The following CCDC57 variants were observed in gnomAD, a reference collection of about 807,000 sequenced individuals.
CCDC57 encodes the protein coiled-coil domain containing 57.
Under a neutral mutation model 118.9 loss-of-function variants are expected in CCDC57, and 118 were observed. The ratio of observed to expected loss-of-function variants is 0.99; its 90% CI spans 0.86 to 1.16. The LOEUF (loss-of-function observed/expected upper bound fraction) is 1.16. Ranked by LOEUF, CCDC57 falls within the 50% of genes most tolerant of loss-of-function variation. CCDC57 has a pLI of 0.00. For missense variants in CCDC57, 1,300 were observed against 1,320.7 expected, an observed-to-expected ratio of 0.98 and a Z score of 0.24; for synonymous variants, 527 against 532.9, an observed-to-expected ratio of 0.99 and a Z score of 0.15.
intron 19 of CCDC57, among the ~76,000 whole-genome samples, chr17:82,124,088 GC>G (rs2037102799): frequency 6.6e-6 from 1 of 152,038 alleles, no homozygotes; most frequent in African/African-American, 2.4e-5. Context: ...GCTACCAAAG[GC>G]TGCAGGAACT....
intron 19 of CCDC57, among the ~76,000 whole-genome samples, chr17:82,107,128 C>T (rs529762708): frequency 2.6e-5 from 4 of 152,358 alleles, no homozygotes; most frequent in African/African-American, 7.2e-5. Flanking sequence ...TATCAGCTGC[C>T]CGACCTGCTC....
intron 13 of CCDC57, among the ~76,000 whole-genome samples, chr17:82,167,502 C>T (rs2044148930): frequency 6.6e-6 from 1 of 152,140 alleles, no homozygotes; most frequent in Admixed American, 6.5e-5. Context: ...AGGTGTCCAC[C>T]ACCATGCCCA....
intron 9 of CCDC57, among the ~76,000 whole-genome samples, chr17:82,181,876 G>C (rs529999292): frequency 6.6e-6 from 1 of 152,240 alleles, no homozygotes; most frequent in East Asian, 1.9e-4. Context: ...CCAGCACTTT[G>C]GGAGGCCAAG....
chr17:82,116,668 T>A (rs2035962479), intron 19 of CCDC57, among the ~76,000 whole-genome samples: 1 of 152,196 alleles, frequency 6.6e-6, no homozygotes, highest in Admixed American at 6.5e-5. Context: ...TTGGGCCTCA[T>A]TTCTGCATTT....
chr17:82,101,949 CAGCA>C (rs2034479767), intron 19 of CCDC57, 83 bp from the exon 19 acceptor site: 2 of 1,334,732 alleles, frequency 1.5e-6, no homozygotes. Context: ...TGCACAGGTG[CAGCA>C]CTTCCGTGTT....
chr17:82,171,082 G>A (rs898339415), intron 13 of CCDC57, among the ~76,000 whole-genome samples: 2 of 150,766 alleles, frequency 1.3e-5, no homozygotes, highest in African/African-American at 4.9e-5. Context: ...CGTGGGCTCC[G>A]GAGGGAGCAC....
In CCDC57 at chr17:82,187,236, C is replaced by CA. The variant is rs61100137; in HGVS notation, c.1052+982dup. 8.2e-3 allele frequency among the ~76,000 whole-genome samples: 516 copies of CA among 62,880 alleles called. 9 individuals are homozygous for CA. The highest frequency in any genetic ancestry group is 0.016 in the African/African-American group (238 of 14,988). 41.3% of individuals were successfully genotyped at this position (62,880 alleles called of 152,430 possible). A position where few individuals can be genotyped will look rare whatever the true frequency, so the allele number is the denominator to read the frequency against. ...TCGGTAACAGAGCCAGACTCCATCTCAAAAAAAAAAAAAAAAAAAGTCAAG... is the reference window on the plus strand; with the variant it reads ...TCGGTAACAGAGCCAGACTCCATCTCAAAAAAAAAAAAAAAAAAAAGTCAAG... On this transcript the variant is annotated intron_variant, in intron 8 of 19. Coordinates refer to ENST00000665763, the Ensembl canonical transcript of CCDC57.
intron 2 of CCDC57, among the ~76,000 whole-genome samples, chr17:82,204,240 G>A (rs551270802): frequency 9.9e-5 from 15 of 152,202 alleles, no homozygotes; most frequent in South Asian, 2.1e-4. Flanking sequence ...AAGCTGCTGC[G>A]TGCCCACCCA....
intron 13 of CCDC57, among the ~76,000 whole-genome samples, chr17:82,166,718 G>A (rs144362389): frequency 3.0e-4 from 45 of 152,192 alleles, no homozygotes; most frequent in African/African-American, 9.6e-4. Context: ...GACCAGCCTG[G>A]GCAACATAGT....
chr17:82,121,960 T>G (rs1440786917), intron 19 of CCDC57, among the ~76,000 whole-genome samples: 1 of 152,164 alleles, frequency 6.6e-6, no homozygotes, highest in East Asian at 1.9e-4. Flanking sequence ...CCACCCACAC[T>G]CTCAGCCTCG....
chr17:82,127,816 C>G (rs2037694824), exon 19 of CCDC57: 1 of 1,612,864 alleles, frequency 6.2e-7, no homozygotes, highest in African/African-American at 1.3e-5. Context: ...GACCATGCTC[C>G]TCAGGGTGCT....
Position 82,212,491 on chromosome 17 carries a change from G to A in CCDC57, c.-211+294C>T, listed in dbSNP as rs1317040399. Among the ~76,000 whole-genome samples the A allele has an allele frequency of 8.0e-5, 12 of 150,250 alleles. No homozygotes were observed. The highest frequency in any genetic ancestry group is 1.6e-4 in the Non-Finnish European group (11 of 67,822). On this transcript the variant is annotated intron_variant, in intron 1 of 19. Transcript: ENST00000665763. This position sits in a 1 kb window ranked among gnomAD's most constrained non-coding sequence, Gnocchi z 4.1. Reference sequence around the variant, plus strand: ...GCGGCGGAACCCGGGGAATTCTCCCGGGGCTGCGGGGCCCTGGTCGGCAGC... The same window carrying A: ...GCGGCGGAACCCGGGGAATTCTCCCAGGGCTGCGGGGCCCTGGTCGGCAGC...
chr17:82,101,977 G>T, intron 19 of CCDC57, 111 bp from the exon 19 acceptor site: 1 of 1,105,260 alleles, frequency 9.0e-7, no homozygotes, highest in Non-Finnish European at 1.2e-6. Flanking sequence ...GGCCAGCGGG[G>T]GCCCTGTGAC....
At chr17:82,198,374 T>C (rs763426211) in exon 4 of CCDC57, 1 of 1,613,802 alleles carries the variant, frequency 6.2e-7, no homozygotes, top group Admixed American at 1.7e-5. Flanking sequence ...GTGTCCATTT[T>C]AGATTTTCAT....
At chr17:82,124,026 C>T (rs971025336) in intron 19 of CCDC57, among the ~76,000 whole-genome samples, 2 of 139,600 alleles carry the variant, frequency 1.4e-5, no homozygotes, top group Non-Finnish European at 3.1e-5. Context: ...AGCAAAAATG[C>T]AAACTTCATT....
At chr17:82,200,909 G>A (rs957853105) in intron 3 of CCDC57, among the ~76,000 whole-genome samples, 4 of 152,200 alleles carry the variant, frequency 2.6e-5, no homozygotes, top group East Asian at 1.9e-4. Flanking sequence ...CTCTCCTAAC[G>A]TCTGTACACA....
intron 19 of CCDC57, among the ~76,000 whole-genome samples, chr17:82,103,086 G>A (rs553498418): frequency 4.6e-5 from 7 of 152,246 alleles, no homozygotes; most frequent in South Asian, 4.1e-4. Flanking sequence ...TGTGGTCTGC[G>A]TGCAGCCTGG....
intron 19 of CCDC57, chr17:82,126,907 C>T (rs748208381): frequency 2.5e-5 from 25 of 985,256 alleles, no homozygotes; most frequent in Non-Finnish European, 2.9e-5. Flanking sequence ...AAGAAGGGGA[C>T]GCCCTCCATG....
intron 19 of CCDC57, among the ~76,000 whole-genome samples, chr17:82,106,942 C>G (rs2034889846): frequency 1.3e-5 from 2 of 152,222 alleles, no homozygotes; most frequent in African/African-American, 4.8e-5. Context: ...GGGCCATAGA[C>G]CAGCAGGTCA....
Sources: allele counts gnomAD v4.1 joint callset (sites outside exome capture counted in the v4.1 genomes callset), GRCh38; gene constraint gnomAD v4.1.1; non-coding constraint Gnocchi (gnomAD v3.1); transcripts MANE v1.5; gene names NCBI Gene and HGNC (gene_info 2026-07-23, HGNC 2026-07-21).